PIEZO1: variants seen among roughly 807,000 people sequenced by gnomAD.
PIEZO1 encodes piezo-type mechanosensitive ion channel component 1.
In PIEZO1, 296 loss-of-function variants were observed where a neutral mutation model predicts 297.2. The ratio of observed to expected loss-of-function variants is 1.00; its 90% CI spans 0.91 to 1.10. The LOEUF (loss-of-function observed/expected upper bound fraction) is 1.10. PIEZO1 is among the 50% of genes least tolerant of loss of function. The pLI is 0.00. For synonymous variants in PIEZO1, 2,427 were observed against 1,507.5 expected (o/e 1.61, Z -14.13); for missense variants, 5,018 against 3,455.5 (o/e 1.45, Z -11.34).
chr16:88,717,738 T>C (rs1201534740), intron 44 of PIEZO1: 3 of 443,300 alleles, frequency 6.8e-6, no homozygotes, highest in Middle Eastern at 3.3e-4. Context: ...CTGCAAATTT[T>C]AATTGATAAG....
At chr16:88,743,987 C>G (rs1015673559) in intron 2 of PIEZO1, 21 of 235,786 alleles carry the variant, frequency 8.9e-5, no homozygotes, top group African/African-American at 4.1e-4. Context: ...GCAGGGCTCC[C>G]GGAGGACAGG....
chr16:88,783,391 A>T (rs1211123883), intron 1 of PIEZO1, among the ~76,000 whole-genome samples: 2 of 152,256 alleles, frequency 1.3e-5, no homozygotes, highest in Non-Finnish European at 2.9e-5. Context: ...TGGTCATTTA[A>T]AGAAAAACAT....
chr16:88,765,935 A>C (rs1442098728), intron 1 of PIEZO1, among the ~76,000 whole-genome samples: 1 of 151,976 alleles, frequency 6.6e-6, no homozygotes, highest in Non-Finnish European at 1.5e-5. Flanking sequence ...AGGCCTCCCA[A>C]GGTGCTGGGG....
chr16:88,765,147 T>C (rs1209866748), intron 1 of PIEZO1, among the ~76,000 whole-genome samples: 3 of 152,236 alleles, frequency 2.0e-5, no homozygotes, highest in Admixed American at 6.5e-5. Context: ...CTGTCTAGAC[T>C]GCCCCAGGGC....
rs59239182 is a variant in PIEZO1 at position 88,732,580 on chromosome 16, C to T, written c.2790+27G>A. ...GGGGGCAGCCGGGTACTCGCCCGCC[C>T]AGCCGCCCACCAGCCCTTCAACTCA... On this transcript the variant is annotated intron_variant, in intron 20 of 50. Coordinates refer to ENST00000301015, the MANE Select transcript of PIEZO1 (RefSeq NM_001142864.4). 3.4e-4 allele frequency: 529 copies of T among 1,543,464 alleles called. No homozygotes were observed. In the African/African-American group the frequency reaches 4.6e-3, roughly 13 times the overall value.
intron 27 of PIEZO1, 22 bp from the exon 28 acceptor site, chr16:88,725,706 G>C (rs1346240490): frequency 2.3e-6 from 3 of 1,315,992 alleles, no homozygotes; most frequent in Non-Finnish European, 3.2e-6. Flanking sequence ...CGGGGATGGG[G>C]TGTGAGCACC....
At chr16:88,762,398 C>T (rs1906973130) in intron 1 of PIEZO1, among the ~76,000 whole-genome samples, 1 of 152,222 alleles carries the variant, frequency 6.6e-6, no homozygotes, top group African/African-American at 2.4e-5. Flanking sequence ...CTTGGATCGG[C>T]CCTGCCCACT....
intron 12 of PIEZO1, 42 bp from the exon 13 acceptor site, chr16:88,735,288 G>T: frequency 7.1e-7 from 1 of 1,400,520 alleles, no homozygotes; most frequent in Non-Finnish European, 9.9e-7. Flanking sequence ...GGGGGGCCCA[G>T]CACCCCTCCC....
intron 2 of PIEZO1, among the ~76,000 whole-genome samples, 151 bp from the exon 3 acceptor site, chr16:88,742,573 C>T (rs1036085878): frequency 1.3e-5 from 2 of 152,186 alleles, no homozygotes; most frequent in African/African-American, 2.4e-5. Flanking sequence ...TCAGGCAGGC[C>T]GGCCAGCCCC....
intron 5 of PIEZO1, chr16:88,739,319 C>G (rs1372147993): frequency 6.5e-6 from 1 of 152,748 alleles, no homozygotes; most frequent in Non-Finnish European, 1.5e-5. Flanking sequence ...AGAGACCTGC[C>G]GGGCCTGTTT....
intron 1 of PIEZO1, among the ~76,000 whole-genome samples, chr16:88,752,503 A>G (rs1267299602): frequency 1.3e-5 from 2 of 152,190 alleles, no homozygotes; most frequent in South Asian, 2.1e-4. Context: ...TTATGGATGT[A>G]TATTTTGCCA....
chr16:88,723,408 G>A (rs527617305), intron 31 of PIEZO1, 80 bp from the exon 32 acceptor site: 10 of 1,484,368 alleles, frequency 6.7e-6, no homozygotes, highest in Non-Finnish European at 1.8e-6. Flanking sequence ...GGCAAGCCGG[G>A]CGCCAGATCC....
chr16:88,725,711 AGCACCAG>A (rs1406772610), intron 27 of PIEZO1, 27 bp from the exon 28 acceptor site: 1 of 1,236,216 alleles, frequency 8.1e-7, no homozygotes, highest in Non-Finnish European at 1.2e-6. Flanking sequence ...ATGGGGTGTG[AGCACCAG>A]GCACTCGACC....
At chr16:88,725,199 C>G (rs779658817) in intron 29 of PIEZO1, 119 bp from the exon 30 acceptor site, 1 of 778,698 alleles carries the variant, frequency 1.3e-6, no homozygotes, top group Non-Finnish European at 2.0e-6. Flanking sequence ...CCCACAGTGA[C>G]GGGGGCCGTG....
At position 88,737,504 on chromosome 16, in the gene PIEZO1, C is replaced by T. The variant is rs1905302457; in HGVS notation, c.1195+55G>A. The T allele has an allele frequency of 1.2e-5, 15 of 1,270,664 alleles. No individual in the cohort carries two copies. The Admixed American group carries it at 2.0e-4, about 17-fold the overall frequency. 78.7% of individuals were successfully genotyped at this position (1,270,664 alleles called of 1,614,324 possible). ...CCAGGCGGCCACCAGGGGGCAGCAC[C>T]GGCCTCCGCCCCGCCCCCCGCACCC... On this transcript the variant is annotated intron_variant, in intron 10 of 50. Coordinates refer to ENST00000301015, the MANE Select transcript of PIEZO1 (RefSeq NM_001142864.4).
intron 1 of PIEZO1, among the ~76,000 whole-genome samples, chr16:88,772,300 G>A (rs1907460233): frequency 6.6e-6 from 1 of 152,246 alleles, no homozygotes; most frequent in Non-Finnish European, 1.5e-5. Flanking sequence ...GGCAGCAAGT[G>A]AGCCGGGGGT....
chr16:88,723,105 C>A lies in PIEZO1; in HGVS notation c.4485G>T (p.Glu1495Asp). The change falls in exon 33 of 51, where the codon GAG (glutamate) becomes GAT (aspartate). Residue 1495 changes from glutamate to aspartate, a missense_variant. Transcript: ENST00000301015. The stretch of plus-strand genomic sequence containing the variant: ...CCCGGGCCCACGTACCTGCCGCTGC[C>A]TCCTCGGGGCCCTCTGCTGGCTCCA... ...QEVEPAEGPE[E>D]AAAGRSHVVQ... The A allele has an allele frequency of 6.5e-7, 1 of 1,548,310 alleles. No homozygotes were observed. Among genetic ancestry groups the A allele is most frequent in the Non-Finnish European group, 8.7e-7 (1 of 1,146,730 alleles).
At chr16:88,750,638 A>G (rs1333631292) in intron 1 of PIEZO1, among the ~76,000 whole-genome samples, 4 of 152,222 alleles carry the variant, frequency 2.6e-5, no homozygotes, top group Non-Finnish European at 5.9e-5. Flanking sequence ...GTCTGGAGTC[A>G]GGGAGGCTGT....
chr16:88,722,764 G>A (rs1904289766), intron 34 of PIEZO1, 73 bp downstream of exon 34: 3 of 1,528,192 alleles, frequency 2.0e-6, no homozygotes, highest in Non-Finnish European at 2.6e-6. Flanking sequence ...AGTGGGCGCG[G>A]GACTAGGCTG....
Sources: allele counts gnomAD v4.1 joint callset (sites outside exome capture counted in the v4.1 genomes callset), GRCh38; gene constraint gnomAD v4.1.1; transcripts MANE v1.5; gene names NCBI Gene and HGNC (gene_info 2026-07-23, HGNC 2026-07-21).